MROH1: variants seen among roughly 807,000 people sequenced by gnomAD.
MROH1 encodes the protein maestro heat-like repeat-containing protein family member 1.
MROH1 carries 117 observed loss-of-function variants against 116.5 expected under a neutral mutation model. The observed-to-expected ratio is 1.00, with a 90% CI of 0.86 to 1.17. The LOEUF is 1.17. MROH1 is among the 50% of genes most tolerant of loss of function. MROH1 has a pLI of 0.00. For missense variants in MROH1, 1,873 were observed against 1,338.5 expected, an observed-to-expected ratio of 1.40 and a Z score of -6.23; for synonymous variants, 921 against 583.9, an observed-to-expected ratio of 1.58 and a Z score of -8.32.
chr8:144,231,803 C>G (rs1352370214), intron 14 of MROH1, among the ~76,000 whole-genome samples: 1 of 152,254 alleles, frequency 6.6e-6, no homozygotes, highest in Non-Finnish European at 1.5e-5. Flanking sequence ...TGCCCCAGAC[C>G]TTCCACTTGG....
At chr8:144,246,143 C>T (rs1027595224) in intron 29 of MROH1, among the ~76,000 whole-genome samples, 3 of 149,278 alleles carry the variant, frequency 2.0e-5, no homozygotes, top group East Asian at 2.0e-4. Context: ...GAGTCTCTCG[C>T]TCTCACCCAG....
At position 144,228,194 on chromosome 8, in the gene MROH1, T is replaced by C. The variant is rs114786111; in HGVS notation, c.1338+4964T>C. On this transcript the variant is annotated intron_variant, in intron 14 of 43. Coordinates refer to ENST00000326134, the MANE Select transcript of MROH1 (RefSeq NM_032450.3). ...AAGCTGCAGTGAGCTGTGATCACAC[T>C]ATTATGCTCCAGCCTGGGCAACAGA... Among the ~76,000 whole-genome samples the C allele has an allele frequency of 8.3e-3, 1,259 of 152,000 alleles. 19 individuals are homozygous for C. Among genetic ancestry groups the C allele is most frequent in the African/African-American group, 0.029 (1,193 of 41,472 alleles).
At chr8:144,192,041 C>T (rs1000201695) in intron 9 of MROH1, among the ~76,000 whole-genome samples, 186 bp downstream of exon 9, 1 of 152,160 alleles carries the variant, frequency 6.6e-6, no homozygotes, top group African/African-American at 2.4e-5. Flanking sequence ...TTTCCCATCG[C>T]TCTGCCCTGG....
chr8:144,244,666 G>T, intron 28 of MROH1, 127 bp downstream of exon 28: 1 of 681,686 alleles, frequency 1.5e-6, no homozygotes, highest in South Asian at 1.6e-5. Context: ...CTTGGGGGTG[G>T]TTTATGAACA....
At chr8:144,259,499 C>G (rs1271622131) in intron 37 of MROH1, 145 bp downstream of exon 37, 1 of 680,162 alleles carries the variant, frequency 1.5e-6, no homozygotes, top group African/African-American at 1.8e-5. Flanking sequence ...ACCTCCTCCC[C>G]CATGCCAGAA....
chr8:144,186,417 C>A (rs113047708), intron 7 of MROH1, among the ~76,000 whole-genome samples: 2 of 151,956 alleles, frequency 1.3e-5, no homozygotes, highest in African/African-American at 4.8e-5. Flanking sequence ...CCACTGCGCC[C>A]GGCCCCAAAT....
chr8:144,216,099 A>C (rs1476495361), intron 12 of MROH1, among the ~76,000 whole-genome samples: 1 of 151,556 alleles, frequency 6.6e-6, no homozygotes, highest in Non-Finnish European at 1.5e-5. Context: ...GAATCACTTG[A>C]ACCTGGGAGG....
At chr8:144,189,590 G>A (rs1828050613) in intron 7 of MROH1, among the ~76,000 whole-genome samples, 1 of 151,980 alleles carries the variant, frequency 6.6e-6, no homozygotes, top group Middle Eastern at 3.2e-3. Flanking sequence ...TCCCAGCTCT[G>A]CCCTCAGGGT....
At chr8:144,202,040 A>G (rs1588125185) in intron 12 of MROH1, among the ~76,000 whole-genome samples, 1 of 151,526 alleles carries the variant, frequency 6.6e-6, no homozygotes, top group East Asian at 1.9e-4. Flanking sequence ...AAAAAAGAGA[A>G]AGCAGCAGGG....
At chr8:144,170,090 C>T (rs1355645392) in intron 4 of MROH1, among the ~76,000 whole-genome samples, 2 of 152,202 alleles carry the variant, frequency 1.3e-5, no homozygotes, top group Non-Finnish European at 2.9e-5. Context: ...GCCTCGGCCT[C>T]CCAGAGTGCT....
intron 35 of MROH1, among the ~76,000 whole-genome samples, 179 bp downstream of exon 35, chr8:144,255,884 T>C (rs1447214656): frequency 4.6e-5 from 7 of 152,218 alleles, no homozygotes; most frequent in Admixed American, 3.9e-4. Flanking sequence ...GTGACATCCA[T>C]GGCCACCCTT....
intron 1 of MROH1, among the ~76,000 whole-genome samples, chr8:144,151,401 C>T (rs1816758634): frequency 6.6e-6 from 1 of 152,158 alleles, no homozygotes; most frequent in Admixed American, 6.5e-5. Flanking sequence ...CCAACAGATG[C>T]CAGCACTCTG....
At position 144,260,391 on chromosome 8, in the gene MROH1, A is replaced by G. The variant is rs1844797282; in HGVS notation, c.4380+17A>G. 2.9e-6 allele frequency: 2 copies of G among 686,868 alleles called. No homozygotes were observed. The highest frequency in any genetic ancestry group is 3.0e-5 in the South Asian group (2 of 67,700). The allele number at this position is 686,868 out of a possible 1,614,324, so 42.5% of individuals were successfully genotyped here. On this transcript the variant is annotated intron_variant, in intron 39 of 43. Coordinates refer to ENST00000326134, the MANE Select transcript of MROH1 (RefSeq NM_032450.3). The stretch of plus-strand genomic sequence containing the variant: ...TTCGACAGTGTAGGCTGGTTGGGGC[A>G]GGGGGAGGGAAGAGGGCCCCAGCCC...
intron 35 of MROH1, among the ~76,000 whole-genome samples, chr8:144,257,533 T>A (rs1844119445): frequency 6.6e-6 from 1 of 152,170 alleles, no homozygotes; most frequent in Non-Finnish European, 1.5e-5. Context: ...AGAAGCCTCA[T>A]GGGGCCCATC....
intron 39 of MROH1, 73 bp from the exon 40 acceptor site, chr8:144,260,604 T>TGGCAGGGGGCTAGGCAGGCAGGCC: frequency 2.6e-6 from 2 of 767,360 alleles, no homozygotes; most frequent in Non-Finnish European, 4.8e-6. Flanking sequence ...CACCCATCAA[T>TGGCAGGGGGCTAGGCAGGCAGGCC]GGCAGGGGGC....
intron 33 of MROH1, chr8:144,251,493 G>C (rs1842837094): frequency 6.6e-6 from 1 of 152,164 alleles, no homozygotes; most frequent in South Asian, 2.1e-4. Context: ...TTGTAATCCT[G>C]CAGTCTGTTG....
intron 10 of MROH1, among the ~76,000 whole-genome samples, chr8:144,193,742 G>A (rs770259274): frequency 5.4e-4 from 82 of 151,842 alleles, no homozygotes; most frequent in Middle Eastern, 3.4e-3. Flanking sequence ...TGAGTAGCTG[G>A]GATTACAGGT....
At chr8:144,184,172 A>T (rs138111116) in intron 7 of MROH1, among the ~76,000 whole-genome samples, 57 of 152,344 alleles carry the variant, frequency 3.7e-4, no homozygotes, top group African/African-American at 1.3e-3. Context: ...TGGACTGGGA[A>T]GCCCTTAAGC....
chr8:144,221,359 C>T (rs1336443513), intron 13 of MROH1, among the ~76,000 whole-genome samples: 1 of 152,174 alleles, frequency 6.6e-6, no homozygotes, highest in East Asian at 1.9e-4. Flanking sequence ...TAGTGATGAC[C>T]TCCCAGGACC....
Sources: gnomAD v4.1 joint callset for allele counts (sites outside exome capture counted in the v4.1 genomes callset) on GRCh38, gnomAD v4.1.1 for gene constraint, MANE v1.5 for transcripts, NCBI Gene and HGNC (gene_info 2026-07-23, HGNC 2026-07-21) for gene names.